The following WDFY3 variants were observed in gnomAD, a reference collection of about 807,000 sequenced individuals.
The protein encoded by WDFY3 is WD repeat and FYVE domain containing 3.
A neutral mutation model predicts 409.6 loss-of-function variants in WDFY3; 66 were observed. The ratio of observed to expected loss-of-function variants is 0.16; its 90% CI spans 0.13 to 0.20. The LOEUF (loss-of-function observed/expected upper bound fraction) is 0.20, where lower values mean the gene tolerates loss of function less well. WDFY3 is among the 10% of genes least tolerant of loss of function. The probability of loss-of-function intolerance (pLI) is 1.00; values close to 1 mark genes in which losing one functional copy is unlikely to be tolerated. For synonymous variants in WDFY3, 1,521 were observed against 1,537.1 expected, an observed-to-expected ratio of 0.99 and a Z score of 0.25; for missense variants, 3,031 against 4,298.1, an observed-to-expected ratio of 0.71 and a Z score of 8.24.
At chr4:84,828,406 AAAAT>A (rs1348642954) in intron 9 of WDFY3, among the ~76,000 whole-genome samples, 2 of 152,202 alleles carry the variant, frequency 1.3e-5, no homozygotes, top group African/African-American at 4.8e-5. Flanking sequence ...GAAGTACTAT[AAAAT>A]AAAGAACCAA....
chr4:84,693,466 C>A (rs1729589038), intron 58 of WDFY3, among the ~76,000 whole-genome samples: 1 of 152,120 alleles, frequency 6.6e-6, no homozygotes, highest in Non-Finnish European at 1.5e-5. Flanking sequence ...TTAGAAATAT[C>A]ATTTTGGTGT....
intron 5 of WDFY3, among the ~76,000 whole-genome samples, chr4:84,846,801 G>A (rs866961434): frequency 5.3e-5 from 8 of 151,580 alleles, no homozygotes; most frequent in African/African-American, 1.7e-4. Flanking sequence ...AGAGATTCAC[G>A]GTTACTGATT....
chr4:84,900,183 A>T (rs1038826806), intron 2 of WDFY3, among the ~76,000 whole-genome samples: 2 of 152,196 alleles, frequency 1.3e-5, no homozygotes, highest in East Asian at 1.9e-4. Flanking sequence ...CAGCAAGTGA[A>T]TAGACACACA....
At chr4:84,929,650 C>T (rs1195317479) in intron 2 of WDFY3, among the ~76,000 whole-genome samples, 2 of 152,124 alleles carry the variant, frequency 1.3e-5, no homozygotes, top group Non-Finnish European at 2.9e-5. Flanking sequence ...TGGCTCACGC[C>T]TATAATCCCA....
At chr4:84,875,947 A>G (rs1458570607) in intron 3 of WDFY3, among the ~76,000 whole-genome samples, 1 of 152,182 alleles carries the variant, frequency 6.6e-6, no homozygotes, top group Non-Finnish European at 1.5e-5. Flanking sequence ...TTTTCTTTTT[A>G]TAAGTGGGAG....
intron 1 of WDFY3, among the ~76,000 whole-genome samples, chr4:84,942,851 C>A (rs950485658): frequency 6.6e-6 from 1 of 152,106 alleles, no homozygotes; most frequent in African/African-American, 2.4e-5. Context: ...AGTATATTTA[C>A]CAGTCTGTGG....
At chr4:84,944,135 G>A (rs969287838) in intron 1 of WDFY3, among the ~76,000 whole-genome samples, 2 of 152,144 alleles carry the variant, frequency 1.3e-5, no homozygotes, top group African/African-American at 4.8e-5. Context: ...CAAACAATAA[G>A]ACTCTAAATA....
intron 44 of WDFY3, among the ~76,000 whole-genome samples, chr4:84,727,597 A>G (rs1735874545): frequency 6.6e-6 from 1 of 152,204 alleles, no homozygotes; most frequent in Non-Finnish European, 1.5e-5. Flanking sequence ...GGTTAATAAG[A>G]AGGCAATTCT....
chr4:84,789,769 G>A lies in WDFY3; in HGVS notation c.3626C>T (p.Thr1209Ile). ...CTGTCCATCAATATAAAGGGCTGCA[G>A]TACTGTTTTTCAACATGCCTTTGCT... ...VMSKGMLKNS[T>I]AALYIDGQLV... The change falls in exon 22 of 68, where the codon ACT becomes ATT. Residue 1209 changes from threonine to isoleucine, a missense_variant. This residue lies in a region of WDFY3 where 1,322 missense variants were observed against 1,697.9 expected (regional missense o/e 0.78). Transcript: ENST00000295888. 6.2e-7 allele frequency: 1 copy of A among 1,613,846 alleles called. No homozygotes were observed. Among genetic ancestry groups the A allele is most frequent in the African/African-American group, 1.3e-5 (1 of 74,912 alleles).
chr4:84,743,621 T>C, intron 37 of WDFY3, 79 bp downstream of exon 37: 6 of 1,070,124 alleles, frequency 5.6e-6, no homozygotes, highest in Non-Finnish European at 7.6e-6. Context: ...AAAAAGCTGA[T>C]GTTAAAAAGT....
intron 4 of WDFY3, among the ~76,000 whole-genome samples, chr4:84,851,750 C>T (rs949547446): frequency 1.3e-5 from 2 of 152,120 alleles, no homozygotes; most frequent in African/African-American, 4.8e-5. Context: ...TTCTATTCCT[C>T]ATATTATACT....
At chr4:84,815,744 C>T (rs1220604059) in intron 13 of WDFY3, among the ~76,000 whole-genome samples, 3 of 152,102 alleles carry the variant, frequency 2.0e-5, no homozygotes, top group East Asian at 1.9e-4. Flanking sequence ...GAGGTGTATG[C>T]TATTCATCTG....
chr4:84,902,935 G>A (rs1406529937), intron 2 of WDFY3, among the ~76,000 whole-genome samples: 1 of 152,166 alleles, frequency 6.6e-6, no homozygotes, highest in Non-Finnish European at 1.5e-5. Context: ...TTCTAACCAA[G>A]CACTTGTAGT....
intron 47 of WDFY3, 132 bp from the exon 48 acceptor site, chr4:84,718,702 G>C: frequency 9.1e-7 from 1 of 1,103,832 alleles, no homozygotes; most frequent in Non-Finnish European, 1.2e-6. Flanking sequence ...ATTAAGCTTA[G>C]ATTACAGTCT....
chr4:84,888,996 T>TC (rs1764593967), intron 3 of WDFY3, among the ~76,000 whole-genome samples: 1 of 152,176 alleles, frequency 6.6e-6, no homozygotes, highest in Admixed American at 6.5e-5. Flanking sequence ...TTTTATTTTT[T>TC]CCCCAAAGGC....
At chr4:84,682,234 A>T in intron 64 of WDFY3, 140 bp downstream of exon 64, 1 of 692,748 alleles carries the variant, frequency 1.4e-6, no homozygotes, top group Non-Finnish European at 2.4e-6. Context: ...CAAAGGAATC[A>T]CACAACAGGC....
intron 5 of WDFY3, chr4:84,844,646 A>C: frequency 1.9e-6 from 1 of 521,120 alleles, no homozygotes. Flanking sequence ...TTGCACTACT[A>C]GGTTTAACAG....
chr4:84,725,093 T>A (rs1351086081), intron 45 of WDFY3, among the ~76,000 whole-genome samples: 1 of 152,192 alleles, frequency 6.6e-6, no homozygotes, highest in African/African-American at 2.4e-5. Flanking sequence ...ACTGGCCTAT[T>A]CTTTCCTATA....
intron 4 of WDFY3, among the ~76,000 whole-genome samples, chr4:84,853,788 A>G (rs1303927656): frequency 1.3e-5 from 2 of 152,214 alleles, no homozygotes; most frequent in East Asian, 3.9e-4. Context: ...TACCAACCCA[A>G]AATCAGTACT....
Sources: gnomAD v4.1 joint callset for allele counts (sites outside exome capture counted in the v4.1 genomes callset) on GRCh38, gnomAD v4.1.1 for gene constraint, gnomAD v4.1.1 regional missense constraint, MANE v1.5 for transcripts, NCBI Gene and HGNC (gene_info 2026-07-23, HGNC 2026-07-21) for gene names.